XPO4: variants seen among roughly 807,000 people sequenced by gnomAD.
XPO4 encodes the protein exportin 4.
In XPO4, 39 loss-of-function variants were observed where a neutral mutation model predicts 143.0. That is an observed-to-expected ratio of 0.27 (90% CI 0.21 to 0.36). XPO4 has a LOEUF of 0.36. Among genes scored for constraint, XPO4 ranks in the 10% least tolerant of loss-of-function variants. The pLI is 1.00. For synonymous variants in XPO4, 439 were observed against 474.0 expected, an observed-to-expected ratio of 0.93 and a Z score of 0.96; for missense variants, 907 against 1,348.0, an observed-to-expected ratio of 0.67 and a Z score of 5.12.
intron 4 of XPO4, among the ~76,000 whole-genome samples, chr13:20,845,443 A>G (rs2060020886): frequency 6.6e-6 from 1 of 152,238 alleles, no homozygotes; most frequent in Non-Finnish European, 1.5e-5. Context: ...CAAAATATAC[A>G]TGACTTAATA....
At chr13:20,844,119 A>C (rs148636950) in intron 4 of XPO4, among the ~76,000 whole-genome samples, 2 of 152,336 alleles carry the variant, frequency 1.3e-5, no homozygotes, top group African/African-American at 4.8e-5. Context: ...AGTTATACAA[A>C]TCCATCTAAG....
At chr13:20,792,956 T>A (rs1419710959) in intron 18 of XPO4, among the ~76,000 whole-genome samples, 3 of 151,550 alleles carry the variant, frequency 2.0e-5, no homozygotes, top group Admixed American at 2.0e-4. Context: ...CCCGGCTAAT[T>A]TTTTTGTATT....
At chr13:20,852,660 ATATT>A in intron 4 of XPO4, 1 of 972,204 alleles carries the variant, frequency 1.0e-6, no homozygotes, top group South Asian at 4.8e-5. Flanking sequence ...ATGATTATGA[ATATT>A]TATGGCAACA....
At chr13:20,884,747 G>T (rs1292883032) in intron 1 of XPO4, among the ~76,000 whole-genome samples, 1 of 152,080 alleles carries the variant, frequency 6.6e-6, no homozygotes, top group African/African-American at 2.4e-5. Flanking sequence ...CTACCTGGGA[G>T]GTTAAGGCAG....
intron 7 of XPO4, among the ~76,000 whole-genome samples, chr13:20,825,879 T>C (rs1173030097): frequency 2.0e-5 from 3 of 152,224 alleles, no homozygotes; most frequent in Admixed American, 6.5e-5. Context: ...ATATCCTTTA[T>C]ATATACCCAT....
chr13:20,855,723 T>G lies in XPO4; in HGVS notation c.360A>C (p.Ala120=), dbSNP rs764790248. The change falls in exon 4 of 23, where the codon GCA becomes GCC. Residue 120 remains alanine (A), a synonymous_variant. Coordinates refer to ENST00000255305, the MANE Select transcript of XPO4 (RefSeq NM_022459.5). ...CTAATGATCCTCTTTTTACAATTAC[T>G]GCTACTGCTAGTAGAATCTGTTCCC... ...YVREQILLAV[A]VIVKRGSLDK... The G allele has an allele frequency of 2.5e-6, 4 of 1,608,756 alleles. No homozygotes were observed. The African/African-American group carries it at 5.4e-5, about 22-fold the overall frequency.
intron 9 of XPO4, among the ~76,000 whole-genome samples, chr13:20,811,634 A>G (rs2059583461): frequency 6.6e-6 from 1 of 152,172 alleles, no homozygotes; most frequent in African/African-American, 2.4e-5. Context: ...ACTGCAAAGT[A>G]TAATGGTGCC....
intron 18 of XPO4, among the ~76,000 whole-genome samples, chr13:20,790,792 C>T (rs897117306): frequency 1.3e-5 from 2 of 152,070 alleles, no homozygotes; most frequent in African/African-American, 2.4e-5. Flanking sequence ...AGACCCCAGC[C>T]CTGTGTCATC....
intron 1 of XPO4, among the ~76,000 whole-genome samples, chr13:20,884,949 G>GGTTT (rs1393231142): frequency 6.6e-6 from 1 of 151,834 alleles, no homozygotes. Context: ...AGGTTTTTTT[G>GGTTT]GTTTGTTTTT....
chr13:20,894,130 C>T (rs1043764779), intron 1 of XPO4, among the ~76,000 whole-genome samples: 2 of 152,162 alleles, frequency 1.3e-5, no homozygotes, highest in African/African-American at 2.4e-5. Flanking sequence ...GTGTAAGCCA[C>T]GGTGTCCAGC....
intron 8 of XPO4, 116 bp downstream of exon 8, chr13:20,822,016 A>G: frequency 2.2e-6 from 3 of 1,393,742 alleles, no homozygotes; most frequent in Non-Finnish European, 2.9e-6. Flanking sequence ...CAAATTACCC[A>G]TATGACTTTA....
At chr13:20,874,620 A>G (rs2060333969) in intron 1 of XPO4, among the ~76,000 whole-genome samples, 2 of 152,116 alleles carry the variant, frequency 1.3e-5, no homozygotes, top group South Asian at 4.1e-4. Flanking sequence ...CTGCAACAGG[A>G]TAACACGGCT....
intron 20 of XPO4, among the ~76,000 whole-genome samples, 155 bp from the exon 21 acceptor site, chr13:20,787,753 G>A (rs1024092326): frequency 6.6e-6 from 1 of 152,198 alleles, no homozygotes; most frequent in South Asian, 2.1e-4. Context: ...AGTTATATAA[G>A]GAAAGAAGAT....
In XPO4 at chr13:20,783,735, A is replaced by C; in HGVS notation, c.3443T>G (p.Leu1148Arg). The C allele has an allele frequency of 6.2e-7, 1 of 1,614,182 alleles. No homozygotes were observed. Among genetic ancestry groups the C allele is most frequent in the Non-Finnish European group, 8.5e-7 (1 of 1,180,000 alleles). Residue 1148 changes from leucine to arginine, a missense_variant, in exon 23 of 23, where the codon CTT (leucine) becomes CGT (arginine). By Grantham distance (102) the Leu-to-Arg change is moderately radical (BLOSUM62 -2). Transcript: ENST00000255305. Reference sequence around the variant, plus strand: ...AAGTTCTGTTGTTTATTTTACACAAAGGAGACCACCAACATTTGCCATAAA... The same window carrying C: ...AAGTTCTGTTGTTTATTTTACACAACGGAGACCACCAACATTTGCCATAAA... ...EEFMANVGGL[L>R]CVK
chr13:20,901,075 C>G (rs181710881), intron 1 of XPO4, among the ~76,000 whole-genome samples: 139 of 152,286 alleles, frequency 9.1e-4, no homozygotes, highest in Middle Eastern at 3.4e-3. Context: ...AGACCTAATT[C>G]AGCCATTTAG....
rs200914809 is a variant in XPO4, at chr13:20,857,001, T to C, written c.318-1236A>G. ...CACACTACCTGCTGCATAACATGCA[T>C]TTATTAGATATTTATACAGATGAAT... On this transcript the variant is annotated intron_variant, in intron 3 of 22. Coordinates refer to ENST00000255305, the MANE Select transcript of XPO4 (RefSeq NM_022459.5). The C allele has an allele frequency of 1.0e-5, 5 of 491,990 alleles. No individual in the cohort carries two copies. The East Asian group carries it at 6.1e-4, about 60-fold the overall frequency. 30.5% of individuals were successfully genotyped at this position (491,990 alleles called of 1,614,324 possible).
chr13:20,837,218 C>A (rs540552571), intron 6 of XPO4, among the ~76,000 whole-genome samples: 1 of 152,158 alleles, frequency 6.6e-6, no homozygotes, highest in South Asian at 2.1e-4. Context: ...CTGTCCCGTG[C>A]TTTGTAGGAT....
At chr13:20,804,787 T>C (rs529836508) in intron 13 of XPO4, among the ~76,000 whole-genome samples, 16 of 152,230 alleles carry the variant, frequency 1.1e-4, no homozygotes, top group Non-Finnish European at 1.9e-4. Flanking sequence ...TACATTTGTA[T>C]GTCATAAATC....
intron 18 of XPO4, among the ~76,000 whole-genome samples, chr13:20,792,819 C>A (rs1260275182): frequency 6.6e-6 from 1 of 150,640 alleles, no homozygotes; most frequent in Non-Finnish European, 1.5e-5. Context: ...GAGTTCCGCT[C>A]TTGTTGCCCA....
Sources: allele counts gnomAD v4.1 joint callset (sites outside exome capture counted in the v4.1 genomes callset), GRCh38; gene constraint gnomAD v4.1.1; transcripts MANE v1.5; gene names NCBI Gene and HGNC (gene_info 2026-07-23, HGNC 2026-07-21).